Variants in RBFOX1 observed in about 807,000 individuals in gnomAD.
RBFOX1 encodes the protein RNA binding fox-1 homolog 1.
A neutral mutation model predicts 57.7 loss-of-function variants in RBFOX1; 8 were observed. That is an observed-to-expected ratio of 0.14 (90% confidence interval 0.08 to 0.25). The LOEUF (loss-of-function observed/expected upper bound fraction) is 0.25, where lower values mean the gene tolerates loss of function less well. Among genes scored for constraint, RBFOX1 ranks in the 10% least tolerant of loss-of-function variants. The pLI, the probability that RBFOX1 is intolerant of heterozygous loss-of-function variation, is 1.00. For missense variants in RBFOX1, 611 were observed against 548.5 expected, an observed-to-expected ratio of 1.11 and a Z score of -1.14; for synonymous variants, 326 against 222.4, an observed-to-expected ratio of 1.47 and a Z score of -4.15.
At chr16:5,578,853 T>A (rs2046562437) in intron 2 of RBFOX1, among the ~76,000 whole-genome samples, 1 of 147,360 alleles carries the variant, frequency 6.8e-6, no homozygotes, top group South Asian at 2.3e-4. Flanking sequence ...CCTTTTTTTT[T>A]TTTTTTTTTT....
At chr16:5,938,619 C>G (rs970410001) in intron 4 of RBFOX1, among the ~76,000 whole-genome samples, 2 of 152,150 alleles carry the variant, frequency 1.3e-5, no homozygotes, top group Non-Finnish European at 2.9e-5. Context: ...CTTGATTTGG[C>G]TAATAGGATG....
rs1196156621 is a variant in RBFOX1, at chr16:6,872,075, C to G, written c.-15-179982C>G. On this transcript the variant is annotated intron_variant, in intron 3 of 15. Transcript: ENST00000550418. ...GAAAGCCTCTCAGTTACATACCCTTCTTTGTCTTTTCACAGCATAATTGTA... is the reference window on the plus strand; with the variant it reads ...GAAAGCCTCTCAGTTACATACCCTTGTTTGTCTTTTCACAGCATAATTGTA... 2.6e-5 allele frequency among the ~76,000 whole-genome samples: 4 copies of G among 151,980 alleles called. No homozygotes were observed. The East Asian group carries it at 5.8e-4, about 22-fold the overall frequency.
At chr16:6,515,256 C>T (rs973598082) in intron 2 of RBFOX1, among the ~76,000 whole-genome samples, 4 of 152,192 alleles carry the variant, frequency 2.6e-5, no homozygotes, top group Non-Finnish European at 5.9e-5. Flanking sequence ...AAGTGGCTTA[C>T]TTTTCTGTAT....
At chr16:5,412,242 C>T (rs985220116) in intron 1 of RBFOX1, among the ~76,000 whole-genome samples, 5 of 147,416 alleles carry the variant, frequency 3.4e-5, no homozygotes, top group Admixed American at 6.7e-5. Context: ...TGTCTCCAGT[C>T]TTTAGAATCC....
At chr16:6,516,274 C>A (rs773748155) in intron 2 of RBFOX1, among the ~76,000 whole-genome samples, 1 of 152,132 alleles carries the variant, frequency 6.6e-6, no homozygotes, top group Non-Finnish European at 1.5e-5. Context: ...GGTGAGACTT[C>A]TTGTCTTTAA....
chr16:7,057,730 G>T (rs938893025), intron 4 of RBFOX1, among the ~76,000 whole-genome samples: 1 of 152,102 alleles, frequency 6.6e-6, no homozygotes, highest in Admixed American at 6.6e-5. Flanking sequence ...CATAGATGCC[G>T]GGTGCAGTGA....
chr16:5,856,351 AT>A (rs2057057135), intron 3 of RBFOX1, among the ~76,000 whole-genome samples: 3 of 136,234 alleles, frequency 2.2e-5, no homozygotes, highest in Admixed American at 7.7e-5. Flanking sequence ...ATATATATAT[AT>A]AATGTTATGA....
intron 2 of RBFOX1, among the ~76,000 whole-genome samples, chr16:5,479,747 C>T (rs770098820): frequency 5.9e-5 from 9 of 151,960 alleles, no homozygotes; most frequent in African/African-American, 2.2e-4. Flanking sequence ...AACGAAACTC[C>T]ATCCCCGCCC....
intron 2 of RBFOX1, among the ~76,000 whole-genome samples, chr16:6,412,813 A>G (rs757073620): frequency 6.6e-6 from 1 of 152,210 alleles, no homozygotes; most frequent in African/African-American, 2.4e-5. Context: ...TGAGCCCGAC[A>G]TGCTTACACA....
intron 3 of RBFOX1, among the ~76,000 whole-genome samples, chr16:5,679,657 C>G (rs2050269691): frequency 6.6e-6 from 1 of 152,184 alleles, no homozygotes; most frequent in Non-Finnish European, 1.5e-5. Flanking sequence ...CATCAATTCT[C>G]TTTCATGAAG....
chr16:7,364,640 C>T (rs1448759755), intron 4 of RBFOX1, among the ~76,000 whole-genome samples: 2 of 151,362 alleles, frequency 1.3e-5, no homozygotes, highest in Admixed American at 6.6e-5. Context: ...CCATTAGAGG[C>T]TGGCTGTAGA....
chr16:6,623,127 A>G (rs1183178924), intron 2 of RBFOX1, among the ~76,000 whole-genome samples: 9 of 152,138 alleles, frequency 5.9e-5, no homozygotes, highest in Admixed American at 5.9e-4. Context: ...ATATGGGTGG[A>G]CTGGCACAGG....
chr16:7,174,793 A>G (rs976831429), intron 4 of RBFOX1, among the ~76,000 whole-genome samples: 6 of 152,200 alleles, frequency 3.9e-5, no homozygotes, highest in Non-Finnish European at 5.9e-5. Context: ...ACAAACAGAC[A>G]AACAAAACAA....
At chr16:5,462,730 A>G (rs1387463121) in intron 1 of RBFOX1, among the ~76,000 whole-genome samples, 1 of 152,138 alleles carries the variant, frequency 6.6e-6, no homozygotes, top group Non-Finnish European at 1.5e-5. Context: ...TCTCCACACT[A>G]AGGGCTCTGG....
intron 3 of RBFOX1, among the ~76,000 whole-genome samples, chr16:5,664,138 A>G (rs1390659516): frequency 6.6e-6 from 1 of 152,180 alleles, no homozygotes. Flanking sequence ...TGCTTCATCC[A>G]TGTGTTGTTT....
intron 3 of RBFOX1, among the ~76,000 whole-genome samples, chr16:7,014,120 G>C (rs2093785406): frequency 6.6e-6 from 1 of 152,202 alleles, no homozygotes; most frequent in African/African-American, 2.4e-5. Context: ...ACAGGCAATT[G>C]TGTATGCAGA....
At chr16:5,611,309 C>T (rs1028814206) in intron 3 of RBFOX1, 11 of 152,178 alleles carry the variant, frequency 7.2e-5, no homozygotes, top group African/African-American at 2.7e-4. Context: ...GTGTCGATCA[C>T]TCTGTATTCT....
chr16:7,204,773 C>G (rs574703906), intron 4 of RBFOX1, among the ~76,000 whole-genome samples: 1 of 152,306 alleles, frequency 6.6e-6, no homozygotes, highest in Non-Finnish European at 1.5e-5. Context: ...CCAATCCTTT[C>G]TCTTTTCCTT....
At chr16:5,805,657 G>A (rs1419812105) in intron 3 of RBFOX1, among the ~76,000 whole-genome samples, 1 of 152,200 alleles carries the variant, frequency 6.6e-6, no homozygotes, top group Non-Finnish European at 1.5e-5. Context: ...CACCCCTAGG[G>A]TTCCAGGGGG....
Sources: allele counts gnomAD v4.1 joint callset (sites outside exome capture counted in the v4.1 genomes callset), GRCh38; gene constraint gnomAD v4.1.1; transcripts MANE v1.5; gene names NCBI Gene and HGNC (gene_info 2026-07-23, HGNC 2026-07-21).